Variants in FOXO3 observed in about 807,000 individuals in gnomAD.
FOXO3 encodes forkhead box protein O3.
Under a neutral mutation model 41.9 loss-of-function variants are expected in FOXO3, and 4 were observed. That is an observed-to-expected ratio of 0.10 (90% CI 0.05 to 0.22). The LOEUF (loss-of-function observed/expected upper bound fraction) is 0.22, where lower values mean the gene tolerates loss of function less well. FOXO3 is among the 10% of genes least tolerant of loss of function. The pLI is 1.00. For synonymous variants in FOXO3, 318 were observed against 389.3 expected (o/e 0.82, Z 2.16); for missense variants, 534 against 906.8 (o/e 0.59, Z 5.28).
intron 1 of FOXO3, among the ~76,000 whole-genome samples, chr6:108,641,620 C>T (rs1778259996): frequency 6.6e-6 from 1 of 152,000 alleles, no homozygotes; most frequent in Non-Finnish European, 1.5e-5. Context: ...GTATAATTCA[C>T]CTTATTCCAT....
intron 2 of FOXO3, among the ~76,000 whole-genome samples, chr6:108,678,291 T>A (rs1770698464): frequency 6.6e-6 from 1 of 152,206 alleles, no homozygotes; most frequent in Admixed American, 6.5e-5. Context: ...TTTTTGATGC[T>A]TTTTTCATTA....
At chr6:108,626,330 G>A (rs1389526812) in intron 1 of FOXO3, among the ~76,000 whole-genome samples, 2 of 152,170 alleles carry the variant, frequency 1.3e-5, no homozygotes, top group African/African-American at 2.4e-5. Context: ...GAGGACGCAG[G>A]TTGTGTTGCC....
chr6:108,632,912 C>G (rs1397336418), intron 1 of FOXO3, among the ~76,000 whole-genome samples: 1 of 152,048 alleles, frequency 6.6e-6, no homozygotes, highest in Non-Finnish European at 1.5e-5. Context: ...CTTGCAAAAT[C>G]ATATGTTAGT....
chr6:108,681,036 A>G lies in FOXO3; in HGVS notation c.*1244A>G, dbSNP rs1473068447. 5 of 152,682 alleles carry G rather than the reference A, an allele frequency of 3.3e-5. No individual in the cohort carries two copies. Among genetic ancestry groups the G allele is most frequent in the Non-Finnish European group, 7.3e-5 (5 of 68,046 alleles). The allele number at this position is 152,682 out of a possible 1,614,324, so 9.5% of individuals were successfully genotyped here. A position where few individuals can be genotyped will look rare whatever the true frequency, so the allele number is the denominator to read the frequency against. On this transcript the variant is annotated 3_prime_UTR_variant, in exon 3 of 3. Transcript: ENST00000406360. The stretch of plus-strand genomic sequence containing the variant: ...GTACAAGTGACTCAATGGAAGTACA[A>G]AATAGGGCAGTTTTAACTTTTTTTT...
At chr6:108,593,837 C>T (rs1776799730) in intron 1 of FOXO3, among the ~76,000 whole-genome samples, 2 of 150,798 alleles carry the variant, frequency 1.3e-5, no homozygotes, top group Admixed American at 1.3e-4. Flanking sequence ...CTGCCTCAGC[C>T]TCCCGAGTAG....
intron 1 of FOXO3, among the ~76,000 whole-genome samples, chr6:108,619,623 T>C (rs1777611060): frequency 6.6e-6 from 1 of 152,220 alleles, no homozygotes; most frequent in Non-Finnish European, 1.5e-5. Context: ...TTTATTTGCG[T>C]CTAAGAATAA....
chr6:108,593,619 C>A (rs1266450522), intron 1 of FOXO3, among the ~76,000 whole-genome samples: 1 of 151,692 alleles, frequency 6.6e-6, no homozygotes, highest in Non-Finnish European at 1.5e-5. Context: ...CTCAAGTGAT[C>A]CTCCTGCCTC....
chr6:108,624,766 A>G (rs888285660), intron 1 of FOXO3, among the ~76,000 whole-genome samples: 5 of 152,094 alleles, frequency 3.3e-5, no homozygotes, highest in Admixed American at 3.3e-4. Flanking sequence ...GGTGTTTCAT[A>G]TATACATATA....
At chr6:108,657,546 T>C (rs1314228469) in intron 1 of FOXO3, among the ~76,000 whole-genome samples, 1 of 152,174 alleles carries the variant, frequency 6.6e-6, no homozygotes, top group Non-Finnish European at 1.5e-5. Flanking sequence ...TATAGCAAAA[T>C]GTGTATTTAG....
At chr6:108,662,968 T>C (rs1778913266) in intron 1 of FOXO3, among the ~76,000 whole-genome samples, 1 of 152,232 alleles carries the variant, frequency 6.6e-6, no homozygotes, top group African/African-American at 2.4e-5. Flanking sequence ...CCCCTAGATA[T>C]GAAAACTGCC....
chr6:108,580,928 C>A (rs1776401572), intron 1 of FOXO3, among the ~76,000 whole-genome samples: 1 of 152,158 alleles, frequency 6.6e-6, no homozygotes, highest in Admixed American at 6.5e-5. Context: ...TTTCTCCAGG[C>A]TCTAGAGCAG....
At chr6:108,571,494 C>T (rs1776096004) in intron 1 of FOXO3, among the ~76,000 whole-genome samples, 1 of 152,130 alleles carries the variant, frequency 6.6e-6, no homozygotes, top group African/African-American at 2.4e-5. Context: ...AAAGTGAAGT[C>T]ATATCGGCTT....
intron 1 of FOXO3, among the ~76,000 whole-genome samples, chr6:108,635,915 T>A (rs1286385184): frequency 1.3e-5 from 2 of 152,210 alleles, no homozygotes; most frequent in South Asian, 2.1e-4. Flanking sequence ...AAGCACAGCT[T>A]TTGTGTATAA....
intron 1 of FOXO3, among the ~76,000 whole-genome samples, chr6:108,642,612 A>G (rs570359147): frequency 1.1e-4 from 17 of 152,206 alleles, no homozygotes; most frequent in Admixed American, 9.2e-4. Flanking sequence ...GATGTTTAGA[A>G]TAAGCATGTA....
At chr6:108,569,970 A>G (rs1022660862) in intron 1 of FOXO3, among the ~76,000 whole-genome samples, 7 of 129,400 alleles carry the variant, frequency 5.4e-5, no homozygotes, top group African/African-American at 1.2e-4. Context: ...AATCCACATC[A>G]TGTTTTCCCT....
chr6:108,666,929 G>C (rs1259653462), intron 2 of FOXO3, among the ~76,000 whole-genome samples: 1 of 152,146 alleles, frequency 6.6e-6, no homozygotes, highest in Non-Finnish European at 1.5e-5. Context: ...CTACTTACAG[G>C]CTTCTTTAAG....
chr6:108,635,576 A>G (rs1042468175), intron 1 of FOXO3, among the ~76,000 whole-genome samples: 4 of 152,218 alleles, frequency 2.6e-5, no homozygotes, highest in African/African-American at 9.6e-5. Context: ...TTCTATAACA[A>G]GAAGTGTCTT....
chr6:108,579,502 C>T (rs1425300000), intron 1 of FOXO3, among the ~76,000 whole-genome samples: 1 of 152,168 alleles, frequency 6.6e-6, no homozygotes, highest in East Asian at 1.9e-4. Flanking sequence ...CAGGAGAGTA[C>T]CAGGGACTTG....
chr6:108,561,043 G>A lies in FOXO3; in HGVS notation c.-166G>A, dbSNP rs1450900970. The A allele has an allele frequency of 2.4e-5, 33 of 1,400,480 alleles. No individual in the cohort carries two copies. Among genetic ancestry groups the A allele is most frequent in the Non-Finnish European group, 3.0e-5 (33 of 1,089,624 alleles). 86.8% of individuals were successfully genotyped at this position (1,400,480 alleles called of 1,614,324 possible). ...CTCGCCGAGGACGGGGCTCCGGCCC[G>A]GGATAACCAACTCTCCTTCTCTCTT... On this transcript the variant is annotated 5_prime_UTR_variant, in exon 1 of 3. Coordinates refer to ENST00000406360, the MANE Select transcript of FOXO3 (RefSeq NM_001455.4).
Sources: gnomAD v4.1 joint callset for allele counts (sites outside exome capture counted in the v4.1 genomes callset) on GRCh38, gnomAD v4.1.1 for gene constraint, MANE v1.5 for transcripts, NCBI Gene and HGNC (gene_info 2026-07-23, HGNC 2026-07-21) for gene names.